RAB38: variants seen among roughly 807,000 people sequenced by gnomAD.
RAB38 encodes ras-related protein Rab-38.
A neutral mutation model predicts 18.4 loss-of-function variants in RAB38; 15 were observed. That is an observed-to-expected ratio of 0.82 (90% CI 0.55 to 1.26). RAB38 has a LOEUF of 1.26. Ranked by LOEUF, RAB38 falls within the 50% of genes most tolerant of loss-of-function variation. The pLI, the probability that RAB38 is intolerant of heterozygous loss-of-function variation, is 0.00. For missense variants in RAB38, 294 were observed against 267.4 expected (o/e 1.10, Z -0.69); for synonymous variants, 101 against 104.4 (o/e 0.97, Z 0.20).
chr11:88,069,805 G>A, the RAB38 span, among the ~76,000 whole-genome samples: 10 of 149,406 alleles, frequency 6.7e-5, no homozygotes, highest in Admixed American at 4.7e-4. Flanking sequence ...GTTTGTAAAC[G>A]CACCCATCAG....
chr11:88,022,630 A>AAC, the RAB38 span, among the ~76,000 whole-genome samples: 1 of 151,106 alleles, frequency 6.6e-6, no homozygotes, highest in African/African-American at 2.4e-5. Context: ...AAAAAAAAAA[A>AAC]AACAACTATT....
intron 1 of RAB38, among the ~76,000 whole-genome samples, chr11:88,164,256 C>CGGCGGGGG (rs1318397492): frequency 7.6e-4 from 83 of 108,854 alleles, no homozygotes; most frequent in Middle Eastern, 4.3e-3. Flanking sequence ...AAGGTGCTCT[C>CGGCGGGGG]GGTGGGGGGG....
chr11:87,976,595 GTC>G, the RAB38 span, among the ~76,000 whole-genome samples: 1 of 45,016 alleles, frequency 2.2e-5, no homozygotes, highest in Non-Finnish European at 4.3e-5. Flanking sequence ...TTTATATACT[GTC>G]TATAAATACA....
At chr11:88,091,819 C>T in the RAB38 span, among the ~76,000 whole-genome samples, 2 of 151,872 alleles carry the variant, frequency 1.3e-5, no homozygotes, top group Non-Finnish European at 1.5e-5. Flanking sequence ...CAGTACTGCT[C>T]TTTATGGTCA....
At chr11:87,927,938 T>A in the RAB38 span, among the ~76,000 whole-genome samples, 1 of 151,778 alleles carries the variant, frequency 6.6e-6, no homozygotes, top group African/African-American at 2.4e-5. Context: ...AATAGCTAGG[T>A]GTGGTTGTGC....
the RAB38 span, among the ~76,000 whole-genome samples, chr11:88,094,683 T>C: frequency 6.6e-6 from 1 of 151,934 alleles, no homozygotes; most frequent in African/African-American, 2.4e-5. Flanking sequence ...AATCTAAATT[T>C]CCACCTACTT....
At chr11:87,814,788 C>A in the RAB38 span, among the ~76,000 whole-genome samples, 23 of 151,222 alleles carry the variant, frequency 1.5e-4, no homozygotes, top group East Asian at 2.1e-3. Flanking sequence ...AGCCTGACTG[C>A]AGTGGCACTA....
chr11:88,044,311 T>G, the RAB38 span, among the ~76,000 whole-genome samples: 2 of 152,212 alleles, frequency 1.3e-5, no homozygotes, highest in African/African-American at 4.8e-5. Context: ...TCTCCGTGTC[T>G]CTACCCCTTC....
intron 2 of RAB38, among the ~76,000 whole-genome samples, chr11:88,125,422 G>C (rs1286595831): frequency 6.6e-6 from 1 of 152,132 alleles, no homozygotes; most frequent in Non-Finnish European, 1.5e-5. Context: ...GTATTTAGCT[G>C]CTAACATCTA....
At chr11:88,022,427 T>C in the RAB38 span, among the ~76,000 whole-genome samples, 2 of 151,874 alleles carry the variant, frequency 1.3e-5, no homozygotes, top group Non-Finnish European at 2.9e-5. Flanking sequence ...ATCTTTCCTC[T>C]TAGATCTGGA....
chr11:88,095,918 G>C, the RAB38 span, among the ~76,000 whole-genome samples: 1 of 151,858 alleles, frequency 6.6e-6, no homozygotes, highest in Non-Finnish European at 1.5e-5. Flanking sequence ...TCAACACTCA[G>C]TGACTTTCAG....
chr11:87,934,869 G>A, the RAB38 span, among the ~76,000 whole-genome samples: 1 of 152,084 alleles, frequency 6.6e-6, no homozygotes, highest in Non-Finnish European at 1.5e-5. Context: ...GCAGCAAACA[G>A]CTACAATGGG....
At chr11:87,876,235 C>T in the RAB38 span, among the ~76,000 whole-genome samples, 2 of 151,562 alleles carry the variant, frequency 1.3e-5, no homozygotes, top group African/African-American at 2.4e-5. Context: ...TGATCAACTA[C>T]GACATTCATG....
chr11:87,944,716 A>G, the RAB38 span, among the ~76,000 whole-genome samples: 4 of 152,116 alleles, frequency 2.6e-5, no homozygotes, highest in East Asian at 1.9e-4. Flanking sequence ...GGATATTTAG[A>G]GTCTTTCTGG....
At chr11:88,109,756 C>T (rs1264288273), downstream of RAB38, among the ~76,000 whole-genome samples, 1 of 152,186 alleles carries the variant, frequency 6.6e-6, no homozygotes, top group African/African-American at 2.4e-5. Flanking sequence ...GACCAACAAA[C>T]ATATGAATAA....
At chr11:87,878,362 C>CATCT in the RAB38 span, among the ~76,000 whole-genome samples, 1 of 150,170 alleles carries the variant, frequency 6.7e-6, no homozygotes, top group Non-Finnish European at 1.5e-5. Flanking sequence ...GTCTATCTAT[C>CATCT]ATCTATCTAT....
the RAB38 span, among the ~76,000 whole-genome samples, chr11:87,960,546 T>C: frequency 2.0e-5 from 3 of 152,162 alleles, no homozygotes; most frequent in Non-Finnish European, 4.4e-5. Context: ...TTATCAGATT[T>C]GATCCTCACA....
At chr11:87,944,597 C>T in the RAB38 span, among the ~76,000 whole-genome samples, 1 of 152,142 alleles carries the variant, frequency 6.6e-6, no homozygotes, top group Non-Finnish European at 1.5e-5. Context: ...TGGTCACCTC[C>T]AGACCACTCT....
At chr11:88,063,473 G>A in the RAB38 span, among the ~76,000 whole-genome samples, 1 of 152,178 alleles carries the variant, frequency 6.6e-6, no homozygotes, top group East Asian at 1.9e-4. Flanking sequence ...TTTCAGTAGG[G>A]ACATGGAGAA....
Sources: gnomAD v4.1 joint callset for allele counts (sites outside exome capture counted in the v4.1 genomes callset) on GRCh38, gnomAD v4.1.1 for gene constraint, MANE v1.5 for transcripts, NCBI Gene and HGNC (gene_info 2026-07-23, HGNC 2026-07-21) for gene names.